TMEM126A: variants seen among roughly 807,000 people sequenced by gnomAD.
The protein encoded by TMEM126A is optic atrophy 7.
Under a neutral mutation model 18.3 loss-of-function variants are expected in TMEM126A, and 10 were observed. The observed-to-expected ratio is 0.55, with a 90% CI of 0.34 to 0.93. The LOEUF (loss-of-function observed/expected upper bound fraction) is 0.93, where lower values mean the gene tolerates loss of function less well. Among genes scored for constraint, TMEM126A ranks in the 40% least tolerant of loss-of-function variants. TMEM126A has a pLI of 0.02. For missense variants in TMEM126A, 246 were observed against 230.2 expected, an observed-to-expected ratio of 1.07 and a Z score of -0.44; for synonymous variants, 68 against 78.1, an observed-to-expected ratio of 0.87 and a Z score of 0.68.
At chr11:85,652,464 T>C (rs182161653) in intron 2 of TMEM126A, among the ~76,000 whole-genome samples, 17 of 152,346 alleles carry the variant, frequency 1.1e-4, no homozygotes, top group African/African-American at 4.1e-4. Context: ...TTTCTTAATA[T>C]CAAAAACTTC....
intron 4 of TMEM126A, 144 bp from the exon 5 acceptor site, chr11:85,656,165 T>G: frequency 1.3e-6 from 1 of 754,930 alleles, no homozygotes; most frequent in Non-Finnish European, 2.1e-6. Flanking sequence ...GAAACAAAAG[T>G]TTTTAGGATT....
At chr11:85,654,007 G>T in intron 2 of TMEM126A, 56 bp from the exon 3 acceptor site, 1 of 1,590,480 alleles carries the variant, frequency 6.3e-7, no homozygotes, top group Middle Eastern at 1.7e-4. Flanking sequence ...TCAAGATCGG[G>T]AAAGCTCACA....
At chr11:85,652,405 T>G (rs2082507591) in intron 2 of TMEM126A, among the ~76,000 whole-genome samples, 1 of 152,256 alleles carries the variant, frequency 6.6e-6, no homozygotes, top group Admixed American at 6.5e-5. Context: ...TCTTGGATTA[T>G]TAATCAGGTA....
At chr11:85,653,512 ATAAGT>A (rs1317604625) in intron 2 of TMEM126A, among the ~76,000 whole-genome samples, 2 of 152,212 alleles carry the variant, frequency 1.3e-5, no homozygotes, top group African/African-American at 2.4e-5. Context: ...TGCATAGGAC[ATAAGT>A]TAAAAGTTCA....
chr11:85,655,654 G>C lies in TMEM126A; in HGVS notation c.341G>C (p.Gly114Ala). 1 of 1,613,700 alleles carries C rather than the reference G, an allele frequency of 6.2e-7. No individual in the cohort carries two copies. Among genetic ancestry groups the C allele is most frequent in the Non-Finnish European group, 8.5e-7 (1 of 1,179,736 alleles). The change falls in exon 4 of 5, where the codon GGT becomes GCT. Residue 114 changes from glycine (G) to alanine (A), a missense_variant. Gly to Ala is a moderately conservative substitution (Grantham distance 60). Coordinates refer to ENST00000304511, the MANE Select transcript of TMEM126A (RefSeq NM_032273.4). ...TRSGLTGLVI[G>A]GLYPVFLAIP... The stretch of plus-strand genomic sequence containing the variant: ...AGTGGACTGACTGGTCTTGTTATTG[G>C]TGGTCTATACCCTGTTTTCTTGGCT...
intron 2 of TMEM126A, among the ~76,000 whole-genome samples, chr11:85,651,069 CAAAA>C (rs3068382): frequency 0.05 from 4,005 of 79,816 alleles, 80 homozygotes; most frequent in East Asian, 0.15. Context: ...GGATCCGTCT[CAAAA>C]AAAAAAAAAA....
At chr11:85,651,946 C>T (rs972061783) in intron 2 of TMEM126A, among the ~76,000 whole-genome samples, 1 of 152,136 alleles carries the variant, frequency 6.6e-6, no homozygotes, top group African/African-American at 2.4e-5. Flanking sequence ...GGCTGGTCAC[C>T]TGAGGTCAGG....
intron 2 of TMEM126A, among the ~76,000 whole-genome samples, chr11:85,651,710 C>T (rs574085251): frequency 1.3e-5 from 2 of 152,220 alleles, no homozygotes; most frequent in East Asian, 3.9e-4. Flanking sequence ...GTAGTAAGAA[C>T]TTGGTGAGAT....
intron 3 of TMEM126A, 40 bp from the exon 4 acceptor site, chr11:85,655,554 C>A: frequency 7.1e-7 from 1 of 1,417,676 alleles, no homozygotes; most frequent in Non-Finnish European, 1.0e-6. Flanking sequence ...GTTTGCTTGA[C>A]TATCATGACC....
At chr11:85,651,716 G>T (rs757362575) in intron 2 of TMEM126A, among the ~76,000 whole-genome samples, 1 of 152,044 alleles carries the variant, frequency 6.6e-6, no homozygotes. Flanking sequence ...AGAACTTGGT[G>T]AGATCTTAAA....
rs375711712 is a variant in TMEM126A, at chr11:85,656,315, A to G, written c.402A>G (p.Gln134=). 7.8e-5 allele frequency: 125 copies of G among 1,610,898 alleles called. No homozygotes were observed. Among genetic ancestry groups the G allele is most frequent in the Middle Eastern group, 4.2e-4 (2 of 4,810 alleles). Residue 134 remains glutamine, a synonymous_variant, in exon 5 of 5, where the codon CAA becomes CAG. Transcript: ENST00000304511. ...PVNGGLAARY[Q]SALLPHKGNI... is the part of the protein sequence containing the mutation. ...TCTCAATGTTTTCTTACAGGTATCAATCAGCTCTGTTACCACACAAAGGGA... is the reference window on the plus strand; with the variant it reads ...TCTCAATGTTTTCTTACAGGTATCAGTCAGCTCTGTTACCACACAAAGGGA...
At chr11:85,650,480 A>G in intron 2 of TMEM126A, 139 bp downstream of exon 2, 1 of 700,102 alleles carries the variant, frequency 1.4e-6, no homozygotes, top group South Asian at 1.7e-5. Flanking sequence ...CCTGGATGAG[A>G]GCGTTTAACC....
intron 3 of TMEM126A, 38 bp from the exon 4 acceptor site, chr11:85,655,554 CTA>C (rs1239150325): frequency 9.2e-6 from 13 of 1,417,680 alleles, no homozygotes; most frequent in Non-Finnish European, 1.3e-5. Context: ...GTTTGCTTGA[CTA>C]TCATGACCTT....
Position 85,655,113 on chromosome 11 carries a change from A to G in TMEM126A, c.281-481A>G, listed in dbSNP as rs570629300. On this transcript the variant is annotated intron_variant, in intron 3 of 4. Transcript: ENST00000304511. ...AAAAAACTTTTGATTAATTATTTCA[A>G]ATAAAAATATTACCATGGGTGCTAG... Among the ~76,000 whole-genome samples, 5 of 152,288 alleles carry G rather than the reference A, an allele frequency of 3.3e-5. No homozygotes were observed. The East Asian group carries it at 9.6e-4, about 29-fold the overall frequency.
chr11:85,648,777 A>G (rs950067120), intron 1 of TMEM126A, among the ~76,000 whole-genome samples: 2 of 152,218 alleles, frequency 1.3e-5, no homozygotes, highest in African/African-American at 4.8e-5. Context: ...CTTTAAGTCT[A>G]GAGATATGGA....
intron 3 of TMEM126A, among the ~76,000 whole-genome samples, chr11:85,654,969 T>G (rs1484275616): frequency 1.3e-5 from 2 of 151,904 alleles, no homozygotes. Context: ...GAATAACTCT[T>G]TATACAGTAA....
intron 2 of TMEM126A, among the ~76,000 whole-genome samples, chr11:85,652,313 TAC>T (rs1193695788): frequency 3.9e-5 from 6 of 152,256 alleles, no homozygotes; most frequent in Non-Finnish European, 8.8e-5. Context: ...CTAGGCAGAT[TAC>T]AGTGTCCTGT....
At chr11:85,656,258 C>G in intron 4 of TMEM126A, 51 bp from the exon 5 acceptor site, 1 of 1,521,682 alleles carries the variant, frequency 6.6e-7, no homozygotes, top group South Asian at 1.1e-5. Context: ...ATGGGTTTGC[C>G]ATTTGATGCA....
rs1260989069 is a variant in TMEM126A at position 85,656,335 on chromosome 11, A to G, written c.422A>G (p.Lys141Arg). Residue 141 changes from lysine (K) to arginine (R), a missense_variant, in exon 5 of 5, where the codon AAA becomes AGA. Physicochemically the swap from Lys to Arg is conservative, Grantham distance 26. Coordinates refer to ENST00000304511, the MANE Select transcript of TMEM126A (RefSeq NM_032273.4). ...TATCAATCAGCTCTGTTACCACACA[A>G]AGGGAACATCTTAAGTTACTGGATT... The part of the protein sequence containing the change: ...ARYQSALLPH[K>R]GNILSYWIRT... 6.2e-7 allele frequency: 1 copy of G among 1,611,984 alleles called. No individual in the cohort carries two copies. The highest frequency in any genetic ancestry group is 1.1e-5 in the South Asian group (1 of 91,000).
Sources: allele counts gnomAD v4.1 joint callset (sites outside exome capture counted in the v4.1 genomes callset), GRCh38; gene constraint gnomAD v4.1.1; transcripts MANE v1.5; gene names NCBI Gene and HGNC (gene_info 2026-07-23, HGNC 2026-07-21).